Variants in SH3KBP1 observed in about 807,000 individuals in gnomAD.
SH3KBP1 encodes the protein SH3 domain-containing kinase-binding protein 1.
A neutral mutation model predicts 50.1 loss-of-function variants in SH3KBP1; 8 were observed. That is an observed-to-expected ratio of 0.16 (90% CI 0.09 to 0.29). The LOEUF is 0.29. Among genes scored for constraint, SH3KBP1 ranks in the 10% least tolerant of loss-of-function variants. The probability of loss-of-function intolerance (pLI) is 1.00; values close to 1 mark genes in which losing one functional copy is unlikely to be tolerated. For synonymous variants in SH3KBP1, 227 were observed against 218.6 expected, an observed-to-expected ratio of 1.04 and a Z score of -0.34; for missense variants, 377 against 535.2, an observed-to-expected ratio of 0.70 and a Z score of 2.92.
intron 6 of SH3KBP1, among the ~76,000 whole-genome samples, chrX:19,661,552 C>CT (rs772898760): frequency 0.033 from 2,239 of 67,041 alleles, 72 homozygotes; most frequent in African/African-American, 0.1. Context: ...TAGCTTTTTA[C>CT]TTTTTTTTTT....
intron 13 of SH3KBP1, among the ~76,000 whole-genome samples, chrX:19,562,566 A>G (rs777825371): frequency 2.6e-4 from 29 of 111,824 alleles, no homozygotes; most frequent in Middle Eastern, 4.6e-3. Flanking sequence ...TACACCCAGT[A>G]CCTCCAGAAT....
chrX:19,754,522 G>A (rs1055790745), intron 2 of SH3KBP1, among the ~76,000 whole-genome samples: 16 of 111,731 alleles, frequency 1.4e-4, no homozygotes, highest in Admixed American at 3.8e-4. Context: ...TTGGTGGGGC[G>A]TAGGGAGGAG....
chrX:19,611,342 T>C (rs976376367), intron 8 of SH3KBP1, among the ~76,000 whole-genome samples: 1 of 111,597 alleles, frequency 9.0e-6, no homozygotes, highest in Non-Finnish European at 1.9e-5. Flanking sequence ...TTGTGGTTTT[T>C]TTGTTTGTTT....
At chrX:19,711,710 A>T (rs969950472) in intron 3 of SH3KBP1, among the ~76,000 whole-genome samples, 5 of 110,259 alleles carry the variant, frequency 4.5e-5, no homozygotes, top group Admixed American at 9.7e-5. Flanking sequence ...AATCAATTAG[A>T]TCCTTACCAC....
At chrX:19,727,710 G>A (rs2064257980) in intron 3 of SH3KBP1, among the ~76,000 whole-genome samples, 1 of 112,463 alleles carries the variant, frequency 8.9e-6, no homozygotes, top group South Asian at 3.6e-4. Flanking sequence ...CTTAGGCCGG[G>A]CGTGGTGGCT....
rs781779718 is a variant in SH3KBP1 at position 19,541,910 on chromosome X, T to A, written c.1892+15A>T. Reference sequence around the variant, plus strand: ...CAACCTGGGTGACGGCCCCCAAGAGTCCCCAGGCACTCACTTCTGCTGGTC... The same window carrying A: ...CAACCTGGGTGACGGCCCCCAAGAGACCCCAGGCACTCACTTCTGCTGGTC... On this transcript the variant is annotated intron_variant, in intron 16 of 17. Transcript: ENST00000397821. 13 of 1,191,231 alleles carry A rather than the reference T, an allele frequency of 1.1e-5. No individual in the cohort carries two copies. The Admixed American group carries it at 2.5e-4, about 23-fold the overall frequency.
chrX:19,541,719 A>T (rs189449628), intron 16 of SH3KBP1, among the ~76,000 whole-genome samples: 192 of 112,164 alleles, frequency 1.7e-3, no homozygotes, highest in African/African-American at 6.2e-3. Flanking sequence ...TCCTGCACAC[A>T]GTAAGTCCAG....
intron 13 of SH3KBP1, among the ~76,000 whole-genome samples, chrX:19,551,880 C>G (rs140588486): frequency 1.2e-3 from 131 of 111,374 alleles, no homozygotes; most frequent in Middle Eastern, 4.6e-3. Context: ...GAACACCCCC[C>G]CAATTCATCT....
intron 1 of SH3KBP1, among the ~76,000 whole-genome samples, chrX:19,871,139 T>C (rs1358835196): frequency 8.9e-6 from 1 of 112,488 alleles, no homozygotes; most frequent in Non-Finnish European, 1.9e-5. Context: ...TTTCCTTCTT[T>C]CTGGATAAAT....
intron 2 of SH3KBP1, among the ~76,000 whole-genome samples, chrX:19,769,856 A>T (rs1276090621): frequency 1.8e-5 from 2 of 111,339 alleles, no homozygotes; most frequent in South Asian, 7.5e-4. Context: ...TTCTCATGCT[A>T]AACTCTGACT....
At chrX:19,865,466 T>G (rs760962998) in intron 1 of SH3KBP1, among the ~76,000 whole-genome samples, 2 of 112,213 alleles carry the variant, frequency 1.8e-5, no homozygotes, top group East Asian at 5.6e-4. Context: ...CAGCACTCCC[T>G]ATTTCAATAG....
intron 1 of SH3KBP1, among the ~76,000 whole-genome samples, chrX:19,874,972 GAA>G (rs2069200632): frequency 9.4e-6 from 1 of 105,945 alleles, no homozygotes; most frequent in Non-Finnish European, 2.0e-5. Flanking sequence ...AGAGAGAGGA[GAA>G]AAAGAGGGGG....
At chrX:19,884,014 G>A (rs778631387) in intron 1 of SH3KBP1, among the ~76,000 whole-genome samples, 1 of 111,669 alleles carries the variant, frequency 9.0e-6, no homozygotes, top group South Asian at 3.8e-4. Flanking sequence ...GATGCCCCGC[G>A]GTTCCCACGG....
At chrX:19,614,576 G>A (rs2067548177) in intron 8 of SH3KBP1, among the ~76,000 whole-genome samples, 1 of 112,056 alleles carries the variant, frequency 8.9e-6, no homozygotes, top group Middle Eastern at 4.7e-3. Context: ...CAATTTGGGG[G>A]TGGGGAATGG....
At chrX:19,553,992 TATATATTAAAATATAATATATAATA>T (rs2065343900) in intron 13 of SH3KBP1, among the ~76,000 whole-genome samples, 1 of 68,196 alleles carries the variant, frequency 1.5e-5, no homozygotes, top group Admixed American at 2.4e-4. Context: ...TAATATATAA[TATATATTAAAATATAATATATAATA>T]TATATTAAAA....
At chrX:19,544,894 T>C (rs2065043304) in intron 15 of SH3KBP1, among the ~76,000 whole-genome samples, 1 of 111,789 alleles carries the variant, frequency 8.9e-6, no homozygotes, top group Non-Finnish European at 1.9e-5. Flanking sequence ...CACCAGTAGA[T>C]GTCACTGTAG....
At chrX:19,578,140 T>C (rs2066261512) in intron 12 of SH3KBP1, among the ~76,000 whole-genome samples, 1 of 112,074 alleles carries the variant, frequency 8.9e-6, no homozygotes. Flanking sequence ...TCCTATCTTC[T>C]TTTTTTATGA....
chrX:19,716,087 A>G (rs190846260), intron 3 of SH3KBP1, among the ~76,000 whole-genome samples: 1 of 112,157 alleles, frequency 8.9e-6, no homozygotes, highest in East Asian at 2.8e-4. Context: ...ATAGATTCAC[A>G]CATTTTTTAC....
chrX:19,791,551 A>C (rs1024546966), intron 2 of SH3KBP1, among the ~76,000 whole-genome samples: 3 of 110,094 alleles, frequency 2.7e-5, no homozygotes, highest in Admixed American at 9.7e-5. Flanking sequence ...AAAAAAAAAA[A>C]CCAAGAGGGA....
Sources: allele counts gnomAD v4.1 joint callset (sites outside exome capture counted in the v4.1 genomes callset), GRCh38; gene constraint gnomAD v4.1.1; transcripts MANE v1.5; gene names NCBI Gene and HGNC (gene_info 2026-07-23, HGNC 2026-07-21).